ANKRD11: variants seen among roughly 807,000 people sequenced by gnomAD.
The protein encoded by ANKRD11 is ankyrin repeat domain-containing protein 11.
A neutral mutation model predicts 195.7 loss-of-function variants in ANKRD11; 17 were observed. The observed-to-expected ratio is 0.09, with a 90% CI of 0.06 to 0.13. The LOEUF is 0.13. Ranked by LOEUF, ANKRD11 falls within the 10% of genes least tolerant of loss-of-function variation. The probability of loss-of-function intolerance (pLI) is 1.00; values close to 1 mark genes in which losing one functional copy is unlikely to be tolerated. For missense variants in ANKRD11, 3,735 were observed against 3,566.1 expected, an observed-to-expected ratio of 1.05 and a Z score of -1.21; for synonymous variants, 1,953 against 1,528.1, an observed-to-expected ratio of 1.28 and a Z score of -6.49.
intron 2 of ANKRD11, among the ~76,000 whole-genome samples, chr16:89,416,390 C>T (rs933591389): frequency 1.3e-5 from 2 of 152,060 alleles, no homozygotes; most frequent in African/African-American, 4.8e-5. Flanking sequence ...ACCTCCGCCT[C>T]CCAGTTCAAG....
chr16:89,409,130 C>T (rs566469718), intron 2 of ANKRD11, among the ~76,000 whole-genome samples: 10 of 152,154 alleles, frequency 6.6e-5, no homozygotes, highest in Non-Finnish European at 1.3e-4. Context: ...AGGTATCAGG[C>T]CCCTCAAAGA....
intron 1 of ANKRD11, among the ~76,000 whole-genome samples, chr16:89,448,181 CTGCAGACAGTGGGCACCT>C (rs2043893547): frequency 6.6e-6 from 1 of 151,662 alleles, no homozygotes; most frequent in Non-Finnish European, 1.5e-5. Context: ...AGTGGGCACC[CTGCAGACAGTGGGCACCT>C]TGCAGACACT....
Position 89,284,601 on chromosome 16 carries a change from G to T in ANKRD11, c.1941C>A (p.Ser647=). ...TTTTCAACTTCAGCTCTTGGCTGAT[G>T]GAACACTGTCCCTTCTCCTTGTTTT... ...KHKNKEKGQC[S]ISQELKLKSF... is the part of the protein sequence containing the mutation. Residue 647 remains serine (S), a synonymous_variant, in exon 9 of 13, where the codon TCC becomes TCA. Coordinates refer to ENST00000301030, the MANE Select transcript of ANKRD11 (RefSeq NM_013275.6). 6.2e-7 allele frequency: 1 copy of T among 1,614,108 alleles called. No individual in the cohort carries two copies.
rs1229961878 is a variant in ANKRD11, at chr16:89,291,894, G to A, written c.227-711C>T. The A allele has an allele frequency of 6.1e-6, 4 of 651,316 alleles. No individual in the cohort carries two copies. Among genetic ancestry groups the A allele is most frequent in the South Asian group, 3.0e-5 (2 of 67,308 alleles). The allele number at this position is 651,316 out of a possible 1,614,324, so 40.3% of individuals were successfully genotyped here. A position where few individuals can be genotyped will look rare whatever the true frequency, so the allele number is the denominator to read the frequency against. On this transcript the variant is annotated intron_variant, in intron 4 of 12. Transcript: ENST00000301030. The surrounding 1 kb of genome is among the most constrained non-coding windows in gnomAD (Gnocchi z 5.3). ...TCATCTGACCCGTTACAGAACACTC[G>A]GCTGGCGTCTAACGCAACTCACGTG...
At chr16:89,392,459 A>G (rs2041240572) in intron 2 of ANKRD11, 1 of 152,118 alleles carries the variant, frequency 6.6e-6, no homozygotes, top group Non-Finnish European at 1.5e-5. Context: ...CGATGGAAAT[A>G]AGAAAAACAA....
intron 2 of ANKRD11, among the ~76,000 whole-genome samples, chr16:89,349,332 T>A (rs1441914508): frequency 6.6e-6 from 1 of 151,218 alleles, no homozygotes; most frequent in Non-Finnish European, 1.5e-5. Flanking sequence ...TACCAAAAAT[T>A]AGCCGGGCGT....
At chr16:89,294,494 G>A (rs1215713713) in intron 4 of ANKRD11, among the ~76,000 whole-genome samples, 1 of 152,042 alleles carries the variant, frequency 6.6e-6, no homozygotes, top group Non-Finnish European at 1.5e-5. Context: ...CACAACACGC[G>A]CCAGACACCA....
chr16:89,328,901 G>A (rs1464980756), intron 2 of ANKRD11: 2 of 116,434 alleles, frequency 1.7e-5, no homozygotes, highest in East Asian at 5.5e-4. Context: ...CCAGGAGCAC[G>A]GGCGAAATCA....
At chr16:89,486,798 G>C (rs1000795459) in intron 1 of ANKRD11, among the ~76,000 whole-genome samples, 1 of 152,060 alleles carries the variant, frequency 6.6e-6, no homozygotes, top group African/African-American at 2.4e-5. Flanking sequence ...TTGAGGTCAG[G>C]AGTTTGAAAC....
intron 2 of ANKRD11, chr16:89,360,621 T>C (rs960607469): frequency 1.3e-5 from 2 of 152,200 alleles, no homozygotes; most frequent in Non-Finnish European, 2.9e-5. Context: ...TAGAAGCCAG[T>C]GCACCTGAGA....
Position 89,282,941 on chromosome 16 carries a change from C to T in ANKRD11, c.3601G>A (p.Val1201Ile). The change falls in exon 9 of 13, where the codon GTC becomes ATC. Residue 1201 changes from valine to isoleucine, a missense_variant. Transcript: ENST00000301030. ...TTCTTCTCCTTGTGCTTTTCAAAGACTTTCTCTTTTTTGTCTCTCCCCGCG... is the reference window on the plus strand; with the variant it reads ...TTCTTCTCCTTGTGCTTTTCAAAGATTTTCTCTTTTTTGTCTCTCCCCGCG... Reference protein sequence around the residue: ...ADAGRDKKEKVFEKHKEKKDK... With the variant: ...ADAGRDKKEKIFEKHKEKKDK... The T allele has an allele frequency of 6.2e-7, 1 of 1,613,232 alleles. No homozygotes were observed. The highest frequency in any genetic ancestry group is 8.5e-7 in the Non-Finnish European group (1 of 1,179,948).
At chr16:89,467,001 G>A (rs1010217823) in intron 1 of ANKRD11, among the ~76,000 whole-genome samples, 2 of 152,186 alleles carry the variant, frequency 1.3e-5, no homozygotes, top group East Asian at 1.9e-4. Flanking sequence ...GATCTGAAAG[G>A]AGCTAGTTAT....
chr16:89,276,051 G>C (rs1013417675), intron 9 of ANKRD11, among the ~76,000 whole-genome samples: 4 of 152,228 alleles, frequency 2.6e-5, no homozygotes, highest in African/African-American at 4.8e-5. Context: ...CACGGTAATG[G>C]CAAGGCGGAG....
At chr16:89,483,487 T>C (rs898457961) in intron 1 of ANKRD11, among the ~76,000 whole-genome samples, 4 of 152,194 alleles carry the variant, frequency 2.6e-5, no homozygotes, top group Non-Finnish European at 5.9e-5. Context: ...AGATAAAGGA[T>C]ACAATTCAAA....
At chr16:89,384,438 G>C (rs1470285643) in intron 2 of ANKRD11, among the ~76,000 whole-genome samples, 2 of 152,136 alleles carry the variant, frequency 1.3e-5, no homozygotes, top group Non-Finnish European at 2.9e-5. Flanking sequence ...GGCTGAGGCA[G>C]AGCAGAACGG....
intron 1 of ANKRD11, among the ~76,000 whole-genome samples, chr16:89,446,780 C>T (rs779008621): frequency 2.6e-5 from 4 of 152,116 alleles, no homozygotes; most frequent in Non-Finnish European, 5.9e-5. Context: ...ACCAAGGGGC[C>T]CTTCTCACAC....
At chr16:89,324,361 C>A in intron 2 of ANKRD11, 1 of 976,166 alleles carries the variant, frequency 1.0e-6, no homozygotes, top group Non-Finnish European at 1.4e-6. Context: ...AGGGAAAAAG[C>A]CAGGAGGGCG....
At chr16:89,349,352 C>G (rs886557001) in intron 2 of ANKRD11, among the ~76,000 whole-genome samples, 8 of 151,600 alleles carry the variant, frequency 5.3e-5, no homozygotes, top group African/African-American at 1.5e-4. Context: ...TGGTGGCGGG[C>G]GCCTGTAGTC....
chr16:89,291,638 TA>T lies in ANKRD11; in HGVS notation c.227-456del. ...CAGATATAAAATGGCAGACACAGTT[TA>T]AAACACATCAGTAAATCAAGGCCAA... On this transcript the variant is annotated intron_variant, in intron 4 of 12. Coordinates refer to ENST00000301030, the MANE Select transcript of ANKRD11 (RefSeq NM_013275.6). This position sits in a 1 kb window ranked among gnomAD's most constrained non-coding sequence, Gnocchi z 5.3. 8 of 1,272,314 alleles carry T rather than the reference TA, an allele frequency of 6.3e-6. No individual in the cohort carries two copies. The highest frequency in any genetic ancestry group is 8.2e-6 in the Non-Finnish European group (8 of 972,384). The allele number at this position is 1,272,314 out of a possible 1,614,324, so 78.8% of individuals were successfully genotyped here. A position where few individuals can be genotyped will look rare whatever the true frequency, so the allele number is the denominator to read the frequency against.
Sources: gnomAD v4.1 joint callset for allele counts (sites outside exome capture counted in the v4.1 genomes callset) on GRCh38, gnomAD v4.1.1 for gene constraint, Gnocchi (gnomAD v3.1) non-coding constraint, MANE v1.5 for transcripts, NCBI Gene and HGNC (gene_info 2026-07-23, HGNC 2026-07-21) for gene names.